SNAP91: variants seen among roughly 807,000 people sequenced by gnomAD.
SNAP91 encodes the protein synaptosome associated protein 91.
A neutral mutation model predicts 100.3 loss-of-function variants in SNAP91; 27 were observed. The observed-to-expected ratio is 0.27, with a 90% CI of 0.20 to 0.37. SNAP91 has a LOEUF of 0.37. Ranked by LOEUF, SNAP91 falls within the 10% of genes least tolerant of loss-of-function variation. The probability of loss-of-function intolerance (pLI) is 1.00; values close to 1 mark genes in which losing one functional copy is unlikely to be tolerated. For synonymous variants in SNAP91, 404 were observed against 398.6 expected, an observed-to-expected ratio of 1.01 and a Z score of -0.16; for missense variants, 986 against 1,123.7, an observed-to-expected ratio of 0.88 and a Z score of 1.75.
At chr6:83,587,747 TAGC>T (rs2092982896) in intron 22 of SNAP91, among the ~76,000 whole-genome samples, 1 of 152,210 alleles carries the variant, frequency 6.6e-6, no homozygotes, top group Admixed American at 6.5e-5. Context: ...TTGCGTTTAT[TAGC>T]AGAATTTTTT....
At chr6:83,653,537 T>C (rs1195557210) in intron 7 of SNAP91, among the ~76,000 whole-genome samples, 1 of 152,108 alleles carries the variant, frequency 6.6e-6, no homozygotes, top group Non-Finnish European at 1.5e-5. Flanking sequence ...ATTTTATCCA[T>C]TGGAGCCCTT....
intron 7 of SNAP91, among the ~76,000 whole-genome samples, chr6:83,649,177 C>T (rs1446067240): frequency 6.6e-6 from 1 of 152,204 alleles, no homozygotes; most frequent in Non-Finnish European, 1.5e-5. Context: ...TGGTCTCACA[C>T]AGCTTATAAG....
intron 2 of SNAP91, among the ~76,000 whole-genome samples, chr6:83,667,491 C>G (rs1347326021): frequency 6.6e-6 from 1 of 151,768 alleles, no homozygotes; most frequent in East Asian, 1.9e-4. Context: ...TGATAATATT[C>G]TTTTCACTGC....
intron 24 of SNAP91, among the ~76,000 whole-genome samples, chr6:83,579,069 C>A (rs1012217902): frequency 6.6e-6 from 1 of 152,090 alleles, no homozygotes; most frequent in Non-Finnish European, 1.5e-5. Context: ...TTTCTGGGAT[C>A]TTTATTCTAT....
In SNAP91 at chr6:83,645,744, G is replaced by A. The variant is rs142026091; in HGVS notation, c.659-4542C>T. ...TGCGTGTCTGTAATCCCAGCTACTCGGGAGGCTGAGGCAGGAGGATCACTT... is the reference window on the plus strand; with the variant it reads ...TGCGTGTCTGTAATCCCAGCTACTCAGGAGGCTGAGGCAGGAGGATCACTT... On this transcript the variant is annotated intron_variant, in intron 7 of 29. Transcript: ENST00000369694. Among the ~76,000 whole-genome samples the A allele has an allele frequency of 5.3e-3, 802 of 152,132 alleles. 6 individuals are homozygous for A. Among genetic ancestry groups the A allele is most frequent in the African/African-American group, 0.017 (713 of 41,506 alleles).
At chr6:83,601,677 G>T in intron 14 of SNAP91, 78 bp from the exon 15 acceptor site, 1 of 1,356,080 alleles carries the variant, frequency 7.4e-7, no homozygotes, top group Non-Finnish European at 1.0e-6. Context: ...CAATGTCCAA[G>T]CCAGATAAGG....
chr6:83,634,330 T>C (rs1480271244), intron 8 of SNAP91, among the ~76,000 whole-genome samples: 2 of 152,124 alleles, frequency 1.3e-5, no homozygotes, highest in African/African-American at 2.4e-5. Context: ...AAGGTCAAAA[T>C]CTTCTCCTGT....
At chr6:83,559,842 C>A (rs1325861409) in intron 28 of SNAP91, among the ~76,000 whole-genome samples, 3 of 152,030 alleles carry the variant, frequency 2.0e-5, no homozygotes, top group Non-Finnish European at 2.9e-5. Context: ...GCCTTGGATG[C>A]CCTGAATATC....
chr6:83,573,167 A>G (rs1464910814), intron 26 of SNAP91, among the ~76,000 whole-genome samples: 2 of 152,218 alleles, frequency 1.3e-5, no homozygotes, highest in African/African-American at 4.8e-5. Flanking sequence ...ACAGACAAAC[A>G]GAGAGCCAAA....
At chr6:83,657,970 G>C (rs1197313797) in intron 6 of SNAP91, among the ~76,000 whole-genome samples, 1 of 140,374 alleles carries the variant, frequency 7.1e-6, no homozygotes, top group Non-Finnish European at 1.5e-5. Flanking sequence ...AGTAGAGACA[G>C]AGTTTCACCA....
chr6:83,577,380 A>G (rs1285920533), intron 24 of SNAP91, among the ~76,000 whole-genome samples: 2 of 152,232 alleles, frequency 1.3e-5, no homozygotes, highest in Non-Finnish European at 2.9e-5. Flanking sequence ...TTATTTTAAA[A>G]TTTATTTTTC....
chr6:83,562,633 T>G (rs1169134594), intron 26 of SNAP91, among the ~76,000 whole-genome samples: 1 of 152,210 alleles, frequency 6.6e-6, no homozygotes. Flanking sequence ...TACAACCTAC[T>G]TGATTTACCC....
At chr6:83,644,715 C>T (rs533506776) in intron 7 of SNAP91, among the ~76,000 whole-genome samples, 2 of 152,234 alleles carry the variant, frequency 1.3e-5, no homozygotes, top group South Asian at 4.2e-4. Context: ...GTCAGGGAGA[C>T]AGCTTACTTA....
intron 26 of SNAP91, among the ~76,000 whole-genome samples, chr6:83,569,912 CT>C (rs1009462270): frequency 6.6e-6 from 1 of 151,400 alleles, no homozygotes; most frequent in South Asian, 2.1e-4. Flanking sequence ...TTCATGAAAC[CT>C]TTTTTTTTGT....
chr6:83,566,126 T>A (rs1184341793), intron 26 of SNAP91, among the ~76,000 whole-genome samples: 2 of 152,182 alleles, frequency 1.3e-5, no homozygotes, highest in African/African-American at 2.4e-5. Context: ...AATGGAGTAC[T>A]GATACATGCT....
In SNAP91 at chr6:83,617,147, T is replaced by C. The variant is rs1252070814; in HGVS notation, c.808-108A>G. Reference sequence around the variant, plus strand: ...GGAAGTCTGTGGATGGACCCCGATATATATGTGAGATAATTTAATTGCAGG... The same window carrying C: ...GGAAGTCTGTGGATGGACCCCGATACATATGTGAGATAATTTAATTGCAGG... On this transcript the variant is annotated intron_variant, in intron 9 of 29. Transcript: ENST00000369694. 9 of 579,728 alleles carry C rather than the reference T, an allele frequency of 1.6e-5. No individual in the cohort carries two copies. In the South Asian group the frequency reaches 2.2e-4, roughly 14 times the overall value. 35.9% of individuals were successfully genotyped at this position (579,728 alleles called of 1,614,324 possible). A position where few individuals can be genotyped will look rare whatever the true frequency, so the allele number is the denominator to read the frequency against.
chr6:83,651,791 C>A (rs1234037542), intron 7 of SNAP91, among the ~76,000 whole-genome samples: 1 of 152,072 alleles, frequency 6.6e-6, no homozygotes. Context: ...TCAACTTCAT[C>A]TGTACTGATT....
At chr6:83,705,708 G>A (rs532188262) in intron 2 of SNAP91, among the ~76,000 whole-genome samples, 6 of 152,178 alleles carry the variant, frequency 3.9e-5, no homozygotes, top group Admixed American at 2.6e-4. Context: ...CTACTCAGGA[G>A]GCTGAGGCAG....
At chr6:83,685,642 C>T (rs1029085680) in intron 2 of SNAP91, among the ~76,000 whole-genome samples, 1 of 152,128 alleles carries the variant, frequency 6.6e-6, no homozygotes, top group Non-Finnish European at 1.5e-5. Flanking sequence ...CAACTCTAAC[C>T]TTTTCCCTAT....
Sources: allele counts gnomAD v4.1 joint callset (sites outside exome capture counted in the v4.1 genomes callset), GRCh38; gene constraint gnomAD v4.1.1; transcripts MANE v1.5; gene names NCBI Gene and HGNC (gene_info 2026-07-23, HGNC 2026-07-21).